Variants in PDE9A observed in about 807,000 individuals in gnomAD.
PDE9A encodes the protein phosphodiesterase 9A, also known as high affinity cGMP-specific 3',5'-cyclic phosphodiesterase 9A.
PDE9A carries 60 observed loss-of-function variants against 87.4 expected under a neutral mutation model. The observed-to-expected ratio is 0.69, with a 90% CI of 0.56 to 0.85. The LOEUF (loss-of-function observed/expected upper bound fraction) is 0.85. PDE9A is among the 40% of genes least tolerant of loss of function. The pLI, the probability that PDE9A is intolerant of heterozygous loss-of-function variation, is 0.00. For missense variants in PDE9A, 665 were observed against 779.0 expected, an observed-to-expected ratio of 0.85 and a Z score of 1.74; for synonymous variants, 272 against 279.4, an observed-to-expected ratio of 0.97 and a Z score of 0.27.
Position 42,770,777 on chromosome 21 carries a change from G to C in PDE9A, c.1665G>C (p.Arg555=). 6.2e-7 allele frequency: 1 copy of C among 1,613,894 alleles called. No individual in the cohort carries two copies. Among genetic ancestry groups the C allele is most frequent in the Non-Finnish European group, 8.5e-7 (1 of 1,179,754 alleles). The change falls in exon 18 of 20, where the codon CGG becomes CGC. Residue 555 remains arginine, a synonymous_variant. Coordinates refer to ENST00000291539, the MANE Select transcript of PDE9A (RefSeq NM_002606.3). ...ESRDRYEELK[R]IDDAMKELQK... ...GAGATCGCTACGAGGAGCTGAAGCG[G>C]ATAGATGACGCCATGAAAGAGGTAA...
At position 42,747,019 on chromosome 21, in the gene PDE9A, G is replaced by A. The variant is rs574345032; in HGVS notation, c.653+3159G>A. On this transcript the variant is annotated intron_variant, in intron 8 of 19. Transcript: ENST00000291539. ...CGGAACAGGGTAAAAATTCTCAAGC[G>A]TTGTCGACACATTGAGAAAAAACAA... 2.3e-4 allele frequency among the ~76,000 whole-genome samples: 35 copies of A among 152,164 alleles called. 1 individual carries two copies. The highest frequency in any genetic ancestry group is 4.4e-4 in the Non-Finnish European group (30 of 68,028).
At chr21:42,699,409 G>A (rs983444921) in intron 4 of PDE9A, among the ~76,000 whole-genome samples, 20 of 152,326 alleles carry the variant, frequency 1.3e-4, no homozygotes, top group East Asian at 3.9e-4. Flanking sequence ...GTTGCAGGGC[G>A]GCATCCACTC....
Position 42,704,158 on chromosome 21 carries a change from G to A in PDE9A, c.262+5147G>A, listed in dbSNP as rs949009105. Among the ~76,000 whole-genome samples the A allele has an allele frequency of 3.3e-5, 5 of 152,200 alleles. No homozygotes were observed. The highest frequency in any genetic ancestry group is 7.3e-5 in the Non-Finnish European group (5 of 68,036). ...AGACTTCCCTCTTCAGAGAGGATGA[G>A]CGGCCACACGGAAGGCCAGGCTGGG... On this transcript the variant is annotated intron_variant, in intron 4 of 19. Coordinates refer to ENST00000291539, the MANE Select transcript of PDE9A (RefSeq NM_002606.3). This position sits in a 1 kb window ranked among gnomAD's most constrained non-coding sequence, Gnocchi z 5.3.
intron 8 of PDE9A, among the ~76,000 whole-genome samples, chr21:42,745,558 T>TGGAAAGGCTGGGACCC (rs1220777248): frequency 1.3e-5 from 2 of 152,224 alleles, no homozygotes; most frequent in African/African-American, 4.8e-5. Flanking sequence ...GGCTGGGACC[T>TGGAAAGGCTGGGACCC]GGCAAGGCTG....
chr21:42,729,186 TA>T lies in PDE9A; in HGVS notation c.263-2581del, dbSNP rs1436651008. ...AAATTGACTTTTGCTATAGGTTGTT[TA>T]AATTACCTGTTTGATATTGAATGAG... On this transcript the variant is annotated intron_variant, in intron 4 of 19. Coordinates refer to ENST00000291539, the MANE Select transcript of PDE9A (RefSeq NM_002606.3). Among the ~76,000 whole-genome samples, 9 of 152,352 alleles carry T rather than the reference TA, an allele frequency of 5.9e-5. No homozygotes were observed. The East Asian group carries it at 1.5e-3, about 26-fold the overall frequency.
chr21:42,699,357 T>G (rs2060314958), intron 4 of PDE9A, among the ~76,000 whole-genome samples: 1 of 152,312 alleles, frequency 6.6e-6, no homozygotes, highest in Middle Eastern at 3.4e-3. Context: ...CTGCACTGTC[T>G]GTCCCTGCCC....
At chr21:42,754,226 AAACT>A (rs1338395222) in intron 10 of PDE9A, among the ~76,000 whole-genome samples, 162 bp downstream of exon 10, 3 of 151,356 alleles carry the variant, frequency 2.0e-5, no homozygotes, top group East Asian at 1.9e-4. Flanking sequence ...GTTTTAGTTG[AAACT>A]AACTAACACT....
At chr21:42,761,788 G>A (rs2269164) in intron 13 of PDE9A, among the ~76,000 whole-genome samples, 48,500 of 151,934 alleles carry the variant, frequency 0.32, 7,923 homozygotes, top group South Asian at 0.5. Flanking sequence ...ACCTGGTGAC[G>A]TTTGATAATT....
intron 1 of PDE9A, among the ~76,000 whole-genome samples, chr21:42,670,726 C>A (rs993026131): frequency 6.6e-6 from 1 of 151,036 alleles, no homozygotes; most frequent in African/African-American, 2.4e-5. Context: ...CTCACAGTCA[C>A]ATACACCCAC....
chr21:42,708,899 C>T (rs2049057664), intron 4 of PDE9A, among the ~76,000 whole-genome samples: 2 of 152,080 alleles, frequency 1.3e-5, no homozygotes, highest in African/African-American at 4.8e-5. Context: ...TTAGATCTTT[C>T]AGGAATCACC....
At chr21:42,763,441 T>C (rs1047508913) in intron 14 of PDE9A, among the ~76,000 whole-genome samples, 9 of 152,040 alleles carry the variant, frequency 5.9e-5, no homozygotes, top group Non-Finnish European at 1.0e-4. Context: ...GACGCAGTGA[T>C]TGGAGATTTG....
At chr21:42,726,945 T>C (rs1218767258) in intron 4 of PDE9A, among the ~76,000 whole-genome samples, 5 of 151,802 alleles carry the variant, frequency 3.3e-5, no homozygotes, top group Admixed American at 1.3e-4. Context: ...CAGTCTTGAT[T>C]ACCGAAATTA....
chr21:42,742,457 CTTTTTTTTTTTTT>C lies in PDE9A; in HGVS notation c.569-1305_569-1293del, dbSNP rs60925435. Among the ~76,000 whole-genome samples, 6 of 71,540 alleles carry C rather than the reference CTTTTTTTTTTTTT, an allele frequency of 8.4e-5. 1 individual carries two copies. The East Asian group carries it at 3.3e-3, about 39-fold the overall frequency. 46.9% of individuals were successfully genotyped at this position (71,540 alleles called of 152,430 possible). On this transcript the variant is annotated intron_variant, in intron 7 of 19. Coordinates refer to ENST00000291539, the MANE Select transcript of PDE9A (RefSeq NM_002606.3). The stretch of plus-strand genomic sequence containing the variant: ...AATCATAGGGAGTTGAAGCTGTCTG[CTTTTTTTTTTTTT>C]TTTTTTTTTTTTTGAGACAGAGTCT...
At chr21:42,717,446 A>G (rs1404334989) in intron 4 of PDE9A, among the ~76,000 whole-genome samples, 2 of 147,836 alleles carry the variant, frequency 1.4e-5, no homozygotes, top group Non-Finnish European at 3.0e-5. Context: ...GCCCACCACC[A>G]TGCCCACCCA....
chr21:42,769,491 CAAGG>C (rs1401440210), intron 17 of PDE9A, among the ~76,000 whole-genome samples: 3 of 9,984 alleles, frequency 3.0e-4, no homozygotes, highest in Non-Finnish European at 3.0e-4. Context: ...CACATGCACA[CAAGG>C]CACGCAGGTA....
At position 42,659,587 on chromosome 21, in the gene PDE9A, C is replaced by G. The variant is rs2057332035; in HGVS notation, c.69+5704C>G. On this transcript the variant is annotated intron_variant, in intron 1 of 19. Coordinates refer to ENST00000291539, the MANE Select transcript of PDE9A (RefSeq NM_002606.3). This position sits in a 1 kb window ranked among gnomAD's most constrained non-coding sequence, Gnocchi z 4.1. ...GCCCTCAGGCCTGGGCACAGCATAG[C>G]CCCCATGACGCTTCTCTCATCCTGG... Among the ~76,000 whole-genome samples, 1 of 152,214 alleles carries G rather than the reference C, an allele frequency of 6.6e-6. No homozygotes were observed. The highest frequency in any genetic ancestry group is 1.5e-5 in the Non-Finnish European group (1 of 68,032).
In PDE9A at chr21:42,695,507, G is replaced by C. The variant is rs1243810688; in HGVS notation, c.219-3461G>C. ...TACAGAGGGGAGAGGGCCAGAGGAC[G>C]GCGCCGTGCGACACACACCATTGCT... On this transcript the variant is annotated intron_variant, in intron 3 of 19. Coordinates refer to ENST00000291539, the MANE Select transcript of PDE9A (RefSeq NM_002606.3). This position sits in a 1 kb window ranked among gnomAD's most constrained non-coding sequence, Gnocchi z 4.3. Among the ~76,000 whole-genome samples the C allele has an allele frequency of 6.6e-6, 1 of 152,214 alleles. No individual in the cohort carries two copies. The highest frequency in any genetic ancestry group is 2.4e-5 in the African/African-American group (1 of 41,458).
At chr21:42,731,646 C>A in intron 4 of PDE9A, 124 bp from the exon 5 acceptor site, 1 of 986,108 alleles carries the variant, frequency 1.0e-6, no homozygotes, top group Non-Finnish European at 1.5e-6. Context: ...GTGAGAACAC[C>A]GTGTTCTGAA....
At position 42,683,108 on chromosome 21, in the gene PDE9A, G is replaced by A. The variant is rs146349937; in HGVS notation, c.70-3084G>A. Among the ~76,000 whole-genome samples the A allele has an allele frequency of 6.3e-3, 963 of 152,308 alleles. 12 individuals carry two copies. Among genetic ancestry groups the A allele is most frequent in the African/African-American group, 0.021 (885 of 41,556 alleles). On this transcript the variant is annotated intron_variant, in intron 1 of 19. Coordinates refer to ENST00000291539, the MANE Select transcript of PDE9A (RefSeq NM_002606.3). ...GGAAAGTCCAACAGTACAACGACAC[G>A]CATGATGCCAAAAAGTAAAGCGTTC...
Sources: allele counts gnomAD v4.1 joint callset (sites outside exome capture counted in the v4.1 genomes callset), GRCh38; gene constraint gnomAD v4.1.1; non-coding constraint Gnocchi (gnomAD v3.1); transcripts MANE v1.5; gene names NCBI Gene and HGNC (gene_info 2026-07-23, HGNC 2026-07-21).